Variants in LPA observed in about 807,000 individuals in gnomAD.
The protein encoded by LPA is apolipoprotein(a).
In LPA, 199 loss-of-function variants were observed where a neutral mutation model predicts 197.9. The observed-to-expected ratio is 1.01, with a 90% CI of 0.90 to 1.13. The LOEUF (loss-of-function observed/expected upper bound fraction) is 1.13. Ranked by LOEUF, LPA falls within the 50% of genes most tolerant of loss-of-function variation. LPA has a pLI of 0.00. For missense variants in LPA, 1,853 were observed against 1,785.8 expected (o/e 1.04, Z -0.68); for synonymous variants, 715 against 639.5 (o/e 1.12, Z -1.78).
chr6:160,658,466 G>A (rs1334557920), intron 1 of LPA, among the ~76,000 whole-genome samples: 4 of 152,244 alleles, frequency 2.6e-5, no homozygotes, highest in African/African-American at 7.2e-5. Context: ...TCTGAAGGTG[G>A]GAGACAGATC....
At chr6:160,662,292 G>T (rs1780240101) in intron 1 of LPA, among the ~76,000 whole-genome samples, 1 of 152,172 alleles carries the variant, frequency 6.6e-6, no homozygotes, top group Admixed American at 6.5e-5. Context: ...TTTATTAATG[G>T]TGTGAGAATT....
At chr6:160,599,434 C>T in intron 20 of LPA, 66 bp downstream of exon 20, 1 of 1,600,428 alleles carries the variant, frequency 6.2e-7, no homozygotes, top group Non-Finnish European at 8.6e-7. Context: ...CACCTTGAAG[C>T]ATGACTCTTC....
At chr6:160,589,793 G>T in intron 23 of LPA, 81 bp from the exon 24 acceptor site, 1 of 1,507,262 alleles carries the variant, frequency 6.6e-7, no homozygotes, top group South Asian at 1.1e-5. Context: ...GATAGAAACA[G>T]GACATCATCT....
intron 29 of LPA, 65 bp downstream of exon 29, chr6:160,557,325 C>A: frequency 6.4e-7 from 1 of 1,572,354 alleles, no homozygotes; most frequent in South Asian, 1.1e-5. Flanking sequence ...CTGCATCAGT[C>A]AGATTTTCCA....
At chr6:160,542,872 TCAGGACGAATTC>T in intron 33 of LPA, 64 bp from the exon 34 acceptor site, 1 of 1,608,434 alleles carries the variant, frequency 6.2e-7, no homozygotes, top group East Asian at 2.2e-5. Context: ...GTCGTTTAAT[TCAGGACGAATTC>T]CAAGCACTAG....
intron 28 of LPA, among the ~76,000 whole-genome samples, chr6:160,568,418 G>A (rs900399878): frequency 4.6e-5 from 7 of 152,136 alleles, no homozygotes; most frequent in Non-Finnish European, 8.8e-5. Flanking sequence ...TGCAGAAAAG[G>A]CCTTTGACAA....
rs752521694 is a variant in LPA, at chr6:160,542,747, A to C, written c.5460T>G (p.Ile1820Met). ...GTGGGTGGGCCACACACCCCCCTAC[A>C]ATGCTTCCAGGACATTTCTTCGGCT... is the stretch of plus-strand genomic sequence containing the variant. ...QVEPKKCPGS[I>M]VGGCVAHPHS... Residue 1820 changes from isoleucine (I) to methionine (M), a missense_variant, in exon 34 of 39, where the codon ATT (isoleucine) becomes ATG (methionine). Ile to Met is a conservative substitution (Grantham distance 10). Transcript: ENST00000316300. 1 of 1,614,066 alleles carries C rather than the reference A, an allele frequency of 6.2e-7. No individual in the cohort carries two copies. Among genetic ancestry groups the C allele is most frequent in the South Asian group, 1.1e-5 (1 of 91,084 alleles).
intron 24 of LPA, 94 bp from the exon 25 acceptor site, chr6:160,586,724 A>G: frequency 6.4e-7 from 1 of 1,567,804 alleles, no homozygotes; most frequent in Non-Finnish European, 8.8e-7. Context: ...AAGTGTAAAC[A>G]AGCAAATTTG....
intron 23 of LPA, 139 bp from the exon 24 acceptor site, chr6:160,589,851 A>G: frequency 1.1e-6 from 1 of 946,740 alleles, no homozygotes; most frequent in Non-Finnish European, 1.7e-6. Context: ...GCAGATGGAC[A>G]TGCCAATAAC....
chr6:160,532,394 G>A lies in LPA; in HGVS notation c.5961+137C>T, dbSNP rs189640294. 3.2e-5 allele frequency: 24 copies of A among 757,810 alleles called. No individual in the cohort carries two copies. The African/African-American group carries it at 3.4e-4, about 11-fold the overall frequency. 46.9% of individuals were successfully genotyped at this position (757,810 alleles called of 1,614,324 possible). Reference sequence around the variant, plus strand: ...AATATGCATTCAGGGACAGATCTGGGGAGTTTCTGAGCAACACTTAGACTG... The same window carrying A: ...AATATGCATTCAGGGACAGATCTGGAGAGTTTCTGAGCAACACTTAGACTG... On this transcript the variant is annotated intron_variant, in intron 38 of 38. Coordinates refer to ENST00000316300, the MANE Select transcript of LPA (RefSeq NM_005577.4).
At chr6:160,534,144 T>A (rs546298636) in intron 37 of LPA, among the ~76,000 whole-genome samples, 1 of 152,310 alleles carries the variant, frequency 6.6e-6, no homozygotes, top group African/African-American at 2.4e-5. Context: ...AAGAGTCTCT[T>A]CCGCAGAGCT....
At chr6:160,561,215 C>A (rs1055457052) in intron 28 of LPA, among the ~76,000 whole-genome samples, 2 of 152,162 alleles carry the variant, frequency 1.3e-5, no homozygotes, top group African/African-American at 4.8e-5. Flanking sequence ...ACATTTAATT[C>A]TTTAATCTAT....
Position 160,664,267 on chromosome 6 carries a change from T to C in LPA, c.-53A>G, listed in dbSNP as rs1412207294. The C allele has an allele frequency of 1.9e-6, 3 of 1,579,204 alleles. No individual in the cohort carries two copies. Among genetic ancestry groups the C allele is most frequent in the Non-Finnish European group, 2.6e-6 (3 of 1,159,520 alleles). On this transcript the variant is annotated 5_prime_UTR_variant, in exon 1 of 39. Transcript: ENST00000316300. ...AGTGTGTCCCAATCCCAGGACATTGTTGACTTACATGAGAGTAAACGCACC... is the reference window on the plus strand; with the variant it reads ...AGTGTGTCCCAATCCCAGGACATTGCTGACTTACATGAGAGTAAACGCACC...
chr6:160,545,493 C>A lies in LPA; in HGVS notation c.5345G>T (p.Cys1782Phe). Reference sequence around the variant, plus strand: ...AAGTTTTCTTGGATTCATTGTGTAGCACCAGGGACCATTGATGTCACCATC... The same window carrying A: ...AAGTTTTCTTGGATTCATTGTGTAGAACCAGGGACCATTGATGTCACCATC... The part of the protein sequence containing the change: ...NPDGDINGPW[C>F]YTMNPRKLFD... Residue 1782 changes from cysteine (C) to phenylalanine (F), a missense_variant, in exon 33 of 39, where the codon TGC becomes TTC. By Grantham distance (205) the Cys-to-Phe change is radical. Coordinates refer to ENST00000316300, the MANE Select transcript of LPA (RefSeq NM_005577.4). The A allele has an allele frequency of 6.2e-7, 1 of 1,613,324 alleles. No homozygotes were observed.
At chr6:160,593,847 C>G in intron 22 of LPA, 111 bp downstream of exon 22, 1 of 1,350,970 alleles carries the variant, frequency 7.4e-7, no homozygotes, top group Non-Finnish European at 1.1e-6. Context: ...TTCTACCCAA[C>G]ATTCCAGATC....
intron 28 of LPA, among the ~76,000 whole-genome samples, chr6:160,564,044 G>T (rs9457939): frequency 6.6e-6 from 1 of 152,108 alleles, no homozygotes; most frequent in South Asian, 2.1e-4. Flanking sequence ...TCTTTTAATT[G>T]GGGCATTTAG....
At chr6:160,584,866 C>T (rs1365544224) in intron 26 of LPA, among the ~76,000 whole-genome samples, 180 bp downstream of exon 26, 1 of 152,064 alleles carries the variant, frequency 6.6e-6, no homozygotes, top group Non-Finnish European at 1.5e-5. Flanking sequence ...TGAAAGATAG[C>T]AATCCTAAAA....
In LPA at chr6:160,589,675, G is replaced by A. The variant is rs914398263; in HGVS notation, c.3825C>T (p.Tyr1275=). The change falls in exon 24 of 39, where the codon TAC becomes TAT. Residue 1275 remains tyrosine (Y), a synonymous_variant. Coordinates refer to ENST00000316300, the MANE Select transcript of LPA (RefSeq NM_005577.4). ...CTCGATAACTCTGTCCATCACCATG[G>A]TAGCAGTCCTGGACTGTGGGGCTTT... ...TEQSPTVQDC[Y]HGDGQSYRGS... 38 of 1,613,778 alleles carry A rather than the reference G, an allele frequency of 2.4e-5. No homozygotes were observed. Among genetic ancestry groups the A allele is most frequent in the Non-Finnish European group, 3.0e-5 (35 of 1,179,848 alleles).
chr6:160,595,078 A>G (rs1779104065), intron 21 of LPA, among the ~76,000 whole-genome samples: 1 of 152,164 alleles, frequency 6.6e-6, no homozygotes, highest in Non-Finnish European at 1.5e-5. Flanking sequence ...TGGCTAAGAC[A>G]CTAAAATGAT....
Sources: allele counts gnomAD v4.1 joint callset (sites outside exome capture counted in the v4.1 genomes callset), GRCh38; gene constraint gnomAD v4.1.1; transcripts MANE v1.5; gene names NCBI Gene and HGNC (gene_info 2026-07-23, HGNC 2026-07-21).